PCDH9: variants seen among roughly 807,000 people sequenced by gnomAD.
The protein encoded by PCDH9 is protocadherin-9.
In PCDH9, 24 loss-of-function variants were observed where a neutral mutation model predicts 70.6. That is an observed-to-expected ratio of 0.34 (90% CI 0.25 to 0.48). The LOEUF (loss-of-function observed/expected upper bound fraction) is 0.48, where lower values mean the gene tolerates loss of function less well. Among genes scored for constraint, PCDH9 ranks in the 20% least tolerant of loss-of-function variants. PCDH9 has a pLI of 0.99. For missense variants in PCDH9, 1,281 were observed against 1,503.6 expected, an observed-to-expected ratio of 0.85 and a Z score of 2.45; for synonymous variants, 562 against 558.5, an observed-to-expected ratio of 1.01 and a Z score of -0.09.
intron 3 of PCDH9, among the ~76,000 whole-genome samples, chr13:66,771,623 C>T (rs1000010002): frequency 5.9e-5 from 9 of 152,128 alleles, no homozygotes; most frequent in African/African-American, 1.9e-4. Context: ...ATAAATCGAC[C>T]TGCGGTGAGG....
intron 2 of PCDH9, among the ~76,000 whole-genome samples, chr13:66,968,411 A>G (rs2083464415): frequency 6.6e-6 from 1 of 152,008 alleles, no homozygotes; most frequent in African/African-American, 2.4e-5. Flanking sequence ...TGGCATTCTC[A>G]TCACAGCATG....
At chr13:66,406,910 GT>G (rs1208192386) in intron 4 of PCDH9, among the ~76,000 whole-genome samples, 3 of 152,048 alleles carry the variant, frequency 2.0e-5, no homozygotes, top group Non-Finnish European at 4.4e-5. Flanking sequence ...CATATAAGAG[GT>G]TTTTTAGCTG....
intron 2 of PCDH9, chr13:67,204,697 A>G (rs1177726335): frequency 1.3e-5 from 2 of 152,188 alleles, no homozygotes; most frequent in Non-Finnish European, 2.9e-5. Flanking sequence ...CAACATCCAG[A>G]ATGTCAATGC....
intron 4 of PCDH9, among the ~76,000 whole-genome samples, chr13:66,330,174 A>T (rs920969794): frequency 1.3e-5 from 2 of 152,208 alleles, no homozygotes; most frequent in Non-Finnish European, 2.9e-5. Context: ...TTCAGTACTT[A>T]TTTTGATAGT....
At chr13:66,686,663 C>A (rs544559263) in intron 3 of PCDH9, among the ~76,000 whole-genome samples, 79 of 152,048 alleles carry the variant, frequency 5.2e-4, no homozygotes, top group Non-Finnish European at 1.1e-3. Flanking sequence ...TTAGTCTAAC[C>A]ATTTTTTACT....
intron 3 of PCDH9, among the ~76,000 whole-genome samples, chr13:66,804,773 A>T (rs2080385380): frequency 6.6e-6 from 1 of 152,208 alleles, no homozygotes; most frequent in Non-Finnish European, 1.5e-5. Context: ...GAAGAGTAAG[A>T]AGAGCAATTT....
intron 4 of PCDH9, among the ~76,000 whole-genome samples, chr13:66,395,335 G>A (rs1347763479): frequency 6.6e-6 from 1 of 152,176 alleles, no homozygotes; most frequent in Non-Finnish European, 1.5e-5. Flanking sequence ...GGGCGTGGTG[G>A]CTCAGGCCTG....
chr13:66,694,686 TAACTC>T (rs143629182), intron 3 of PCDH9, among the ~76,000 whole-genome samples: 2,584 of 152,038 alleles, frequency 0.017, 85 homozygotes, highest in African/African-American at 0.059. Flanking sequence ...AATATAAAAA[TAACTC>T]TAAATACTGT....
intron 4 of PCDH9, among the ~76,000 whole-genome samples, chr13:66,600,705 C>A (rs1470960743): frequency 1.8e-5 from 2 of 113,406 alleles, no homozygotes; most frequent in African/African-American, 5.7e-5. Flanking sequence ...TGGCTGAACT[C>A]TTTCTTATGT....
Position 67,214,935 on chromosome 13 carries a change from GATATATAT to G in PCDH9, c.3036+10462_3036+10469del, listed in dbSNP as rs66460017. 366 of 89,284 alleles carry G rather than the reference GATATATAT, an allele frequency of 4.1e-3. 31 individuals carry two copies. The highest frequency in any genetic ancestry group is 0.01 in the East Asian group (32 of 3,080). The allele number at this position is 89,284 out of a possible 1,614,324, so 5.5% of individuals were successfully genotyped here. A position where few individuals can be genotyped will look rare whatever the true frequency, so the allele number is the denominator to read the frequency against. On this transcript the variant is annotated intron_variant, in intron 2 of 4. Coordinates refer to ENST00000377865, the MANE Select transcript of PCDH9 (RefSeq NM_203487.3). ...CTGAGTGTCTGGCTATTGCGAGCCA[GATATATAT>G]ATATATATATATATATATATATATA...
intron 3 of PCDH9, among the ~76,000 whole-genome samples, chr13:66,713,475 A>G (rs1397539914): frequency 6.6e-6 from 1 of 151,328 alleles, no homozygotes; most frequent in Admixed American, 6.6e-5. Context: ...CTCTCCCAAC[A>G]AAAGAGATGA....
chr13:66,782,895 C>T (rs1462620133), intron 3 of PCDH9: 3 of 152,116 alleles, frequency 2.0e-5, no homozygotes, highest in Admixed American at 6.5e-5. Flanking sequence ...ATTAATGACC[C>T]GCTATACAGC....
At chr13:66,535,074 C>T (rs964851816) in intron 4 of PCDH9, among the ~76,000 whole-genome samples, 5 of 151,436 alleles carry the variant, frequency 3.3e-5, no homozygotes, top group Non-Finnish European at 5.9e-5. Context: ...GTATAAGTGG[C>T]GTGAATAGAA....
At chr13:66,973,964 T>C (rs772129739) in intron 2 of PCDH9, among the ~76,000 whole-genome samples, 5 of 151,988 alleles carry the variant, frequency 3.3e-5, no homozygotes, top group Non-Finnish European at 5.9e-5. Context: ...GGATTGCTAT[T>C]TTGCTTAACA....
intron 3 of PCDH9, among the ~76,000 whole-genome samples, chr13:66,773,523 C>CG (rs1210180865): frequency 2.7e-5 from 4 of 150,776 alleles, no homozygotes. Flanking sequence ...CCCAGCTTCT[C>CG]GGAGGTTGAG....
At chr13:66,581,602 TA>T (rs2138782353) in intron 4 of PCDH9, among the ~76,000 whole-genome samples, 1 of 152,282 alleles carries the variant, frequency 6.6e-6, no homozygotes. Context: ...ACTTCAAACT[TA>T]AAAACAAAAA....
chr13:66,799,724 C>A (rs994220936), intron 3 of PCDH9, among the ~76,000 whole-genome samples: 1 of 152,108 alleles, frequency 6.6e-6, no homozygotes, highest in Non-Finnish European at 1.5e-5. Flanking sequence ...TTTCTCTTAA[C>A]TTTTGTCAAA....
chr13:66,924,985 T>C (rs1261660569), intron 2 of PCDH9, among the ~76,000 whole-genome samples: 3 of 151,456 alleles, frequency 2.0e-5, no homozygotes, highest in African/African-American at 4.8e-5. Context: ...ATAAACATGA[T>C]TTTTTTTATA....
intron 4 of PCDH9, among the ~76,000 whole-genome samples, chr13:66,422,276 C>G (rs894051005): frequency 6.6e-5 from 10 of 152,256 alleles, no homozygotes; most frequent in African/African-American, 2.4e-4. Context: ...CAAGGATATT[C>G]GGGACTTCAA....
Sources: allele counts gnomAD v4.1 joint callset (sites outside exome capture counted in the v4.1 genomes callset), GRCh38; gene constraint gnomAD v4.1.1; transcripts MANE v1.5; gene names NCBI Gene and HGNC (gene_info 2026-07-23, HGNC 2026-07-21).